The following FOXF2 variants were observed in gnomAD, a reference collection of about 807,000 sequenced individuals.
FOXF2 encodes the protein forkhead box protein F2.
FOXF2 carries 15 observed loss-of-function variants against 29.1 expected under a neutral mutation model. That is an observed-to-expected ratio of 0.52 (90% CI 0.35 to 0.79). The LOEUF (loss-of-function observed/expected upper bound fraction) is 0.79. Ranked by LOEUF, FOXF2 falls within the 30% of genes least tolerant of loss-of-function variation. FOXF2 has a pLI of 0.01. For synonymous variants in FOXF2, 337 were observed against 316.5 expected, an observed-to-expected ratio of 1.06 and a Z score of -0.69; for missense variants, 675 against 667.1, an observed-to-expected ratio of 1.01 and a Z score of -0.13.
intron 1 of FOXF2, among the ~76,000 whole-genome samples, chr6:1,392,715 A>G (rs998748361): frequency 2.0e-5 from 3 of 152,210 alleles, no homozygotes; most frequent in African/African-American, 7.2e-5. Flanking sequence ...CACTGGGCGC[A>G]GGCACAAGCT....
chr6:1,394,672 G>T (rs765169146), intron 1 of FOXF2, 24 bp from the exon 2 acceptor site: 3 of 1,601,260 alleles, frequency 1.9e-6, no homozygotes, highest in Non-Finnish European at 2.6e-6. Flanking sequence ...TTCTGAAGAG[G>T]TTTTTTTTTC....
At chr6:1,394,393 A>G (rs947836840) in intron 1 of FOXF2, among the ~76,000 whole-genome samples, 1 of 152,142 alleles carries the variant, frequency 6.6e-6, no homozygotes, top group Non-Finnish European at 1.5e-5. Flanking sequence ...TCTGAGATTA[A>G]AGTGCACGCC....
chr6:1,390,411 A>T lies in FOXF2; in HGVS notation c.464A>T (p.Asn155Ile), dbSNP rs775754407. Residue 155 changes from asparagine (N) to isoleucine (I), a missense_variant, in exon 1 of 2, where the codon AAC (asparagine) becomes ATC (isoleucine). Asn to Ile is a moderately radical substitution (Grantham distance 149). Around this residue, in one of 3 missense-constraint regions of FOXF2, gnomAD observed 451 missense variants for 437.2 expected, o/e 1.03. Transcript: ENST00000645481. The surrounding 1 kb of genome is among the most constrained non-coding windows in gnomAD (Gnocchi z 8.5). ...KNSVRHNLSL[N>I]ECFIKLPKGL... ...TCGGTGCGCCACAATCTCTCGCTCA[A>T]CGAGTGCTTCATCAAGCTGCCTAAG... 2 of 1,611,826 alleles carry T rather than the reference A, an allele frequency of 1.2e-6. No homozygotes were observed.
In FOXF2 at chr6:1,390,956, G is replaced by A; in HGVS notation, c.1009G>A (p.Ala337Thr). 1 of 1,591,336 alleles carries A rather than the reference G, an allele frequency of 6.3e-7. No individual in the cohort carries two copies. The highest frequency in any genetic ancestry group is 8.5e-7 in the Non-Finnish European group (1 of 1,176,192). ...IECHSPYTSP[A>T]AHWSSPGASP... ...ATGCCACTCGCCCTACACGAGCCCT[G>A]CGGCGCACTGGAGCTCGCCTGGCGC... The change falls in exon 1 of 2, where the codon GCG becomes ACG. Residue 337 changes from alanine to threonine, a missense_variant. This residue lies in a region of FOXF2 where 451 missense variants were observed against 437.2 expected (regional missense o/e 1.03). Coordinates refer to ENST00000645481, the MANE Select transcript of FOXF2 (RefSeq NM_001452.2). This position sits in a 1 kb window ranked among gnomAD's most constrained non-coding sequence, Gnocchi z 8.5.
intron 1 of FOXF2, among the ~76,000 whole-genome samples, chr6:1,391,524 G>A (rs1015935211): frequency 7.2e-5 from 11 of 151,756 alleles, no homozygotes; most frequent in African/African-American, 9.7e-5. Context: ...TTTTCCTTGC[G>A]TTCATTTTGC....
Position 1,390,482 on chromosome 6 carries a change from G to A in FOXF2, c.535G>A (p.Ala179Thr). ...GKGHYWTIDP[A>T]SEFMFEEGSF... ...GGGCCACTACTGGACCATCGACCCG[G>A]CCAGCGAGTTCATGTTCGAGGAGGG... is the stretch of plus-strand genomic sequence containing the variant. Residue 179 changes from alanine to threonine, a missense_variant, in exon 1 of 2, where the codon GCC (alanine) becomes ACC (threonine). Physicochemically the swap from Ala to Thr is moderately conservative, Grantham distance 58 (BLOSUM62 0). Transcript: ENST00000645481. The surrounding 1 kb of genome is among the most constrained non-coding windows in gnomAD (Gnocchi z 8.5). 5 of 1,611,946 alleles carry A rather than the reference G, an allele frequency of 3.1e-6. No individual in the cohort carries two copies. The South Asian group carries it at 3.3e-5, about 11-fold the overall frequency.
At position 1,389,976 on chromosome 6, in the gene FOXF2, C is replaced by T. The variant is rs1758738860; in HGVS notation, c.29C>T (p.Ala10Val). 5.0e-6 allele frequency: 5 copies of T among 1,008,898 alleles called. No individual in the cohort carries two copies. The highest frequency in any genetic ancestry group is 4.2e-5 in the South Asian group (1 of 23,998). The allele number at this position is 1,008,898 out of a possible 1,614,324, so 62.5% of individuals were successfully genotyped here. A position where few individuals can be genotyped will look rare whatever the true frequency, so the allele number is the denominator to read the frequency against. Residue 10 changes from alanine (A) to valine (V), a missense_variant, in exon 1 of 2, where the codon GCC becomes GTC. This residue lies in a region of FOXF2 where 220 missense variants were observed against 205.5 expected (regional missense o/e 1.07). Transcript: ENST00000645481. MTTEGGPPP[A>V]PLRRACSPVP... ...ACCACCGAGGGCGGGCCGCCGCCGG[C>T]CCCGCTCCGCCGCGCGTGCAGCCCG...
chr6:1,393,254 G>A (rs915073965), intron 1 of FOXF2, among the ~76,000 whole-genome samples: 3 of 152,054 alleles, frequency 2.0e-5, no homozygotes, highest in African/African-American at 4.8e-5. Flanking sequence ...TGCCGGCGCA[G>A]GGGCTGCCCT....
chr6:1,391,817 T>C (rs3799321), intron 1 of FOXF2, among the ~76,000 whole-genome samples: 2,481 of 151,408 alleles, frequency 0.016, 61 homozygotes, highest in African/African-American at 0.047. Flanking sequence ...AGGACTCCCC[T>C]GAGAAATGCG....
Position 1,390,942 on chromosome 6 carries a change from C to T in FOXF2, c.995C>T (p.Pro332Leu), listed in dbSNP as rs752146693. The T allele has an allele frequency of 1.3e-6, 2 of 1,586,608 alleles. No individual in the cohort carries two copies. The highest frequency in any genetic ancestry group is 3.4e-5 in the Admixed American group (2 of 58,660). ...GCGAGCGCCATCGAATGCCACTCGC[C>T]CTACACGAGCCCTGCGGCGCACTGG... is the stretch of plus-strand genomic sequence containing the variant. ...AMASAIECHS[P>L]YTSPAAHWSS... Residue 332 changes from proline to leucine, a missense_variant, in exon 1 of 2, where the codon CCC becomes CTC. Physicochemically the swap from Pro to Leu is moderately conservative, Grantham distance 98 (BLOSUM62 -3). Transcript: ENST00000645481. The surrounding 1 kb of genome is among the most constrained non-coding windows in gnomAD (Gnocchi z 8.5).
In FOXF2 at chr6:1,389,864, G is replaced by A. The variant is rs1758734641; in HGVS notation, c.-84G>A. 5.6e-6 allele frequency: 2 copies of A among 358,208 alleles called. No individual in the cohort carries two copies. Among genetic ancestry groups the A allele is most frequent in the Non-Finnish European group, 7.7e-6 (2 of 258,884 alleles). 22.2% of individuals were successfully genotyped at this position (358,208 alleles called of 1,614,324 possible). On this transcript the variant is annotated 5_prime_UTR_variant, in exon 1 of 2. Transcript: ENST00000645481. Reference sequence around the variant, plus strand: ...GGGCGGCGGGCTAGGGCGCTCGCAGGGCTTCTGGGCCGACCCCGCTCCGGC... The same window carrying A: ...GGGCGGCGGGCTAGGGCGCTCGCAGAGCTTCTGGGCCGACCCCGCTCCGGC...
At chr6:1,392,175 C>A (rs139991059) in intron 1 of FOXF2, among the ~76,000 whole-genome samples, 121 of 152,150 alleles carry the variant, frequency 8.0e-4, no homozygotes, top group African/African-American at 2.9e-3. Flanking sequence ...CGGGAGCACC[C>A]GGGGAGAAGG....
rs927643069 is a variant in FOXF2, at chr6:1,389,999, C to T, written c.52C>T (p.Pro18Ser). The change falls in exon 1 of 2, where the codon CCG becomes TCG. Residue 18 changes from proline (P) to serine (S), a missense_variant. This residue lies in a region of FOXF2 where 220 missense variants were observed against 205.5 expected (regional missense o/e 1.07). Transcript: ENST00000645481. ...PPAPLRRACS[P>S]VPGALQAALM... ...GGCCCCGCTCCGCCGCGCGTGCAGC[C>T]CGGTCCCCGGCGCGCTCCAGGCCGC... The T allele has an allele frequency of 1.5e-5, 16 of 1,082,686 alleles. No individual in the cohort carries two copies. In the African/African-American group the frequency reaches 2.8e-4, roughly 19 times the overall value. The allele number at this position is 1,082,686 out of a possible 1,614,324, so 67.1% of individuals were successfully genotyped here.
chr6:1,393,307 C>T (rs1454551916), intron 1 of FOXF2, among the ~76,000 whole-genome samples: 1 of 152,004 alleles, frequency 6.6e-6, no homozygotes, highest in African/African-American at 2.4e-5. Context: ...GGAAGGAGCT[C>T]GGGCTTCTGT....
At position 1,390,342 on chromosome 6, in the gene FOXF2, C is replaced by G. The variant is rs757938718; in HGVS notation, c.395C>G (p.Ala132Gly). 1.2e-6 allele frequency: 2 copies of G among 1,613,122 alleles called. No individual in the cohort carries two copies. Among genetic ancestry groups the G allele is most frequent in the African/African-American group, 2.7e-5 (2 of 74,930 alleles). The change falls in exon 1 of 2, where the codon GCG becomes GGG. Residue 132 changes from alanine to glycine, a missense_variant. Transcript: ENST00000645481. This position sits in a 1 kb window ranked among gnomAD's most constrained non-coding sequence, Gnocchi z 8.5. ...TLSEIYQFLQ[A>G]RFPFFRGAYQ... ...AGCGAGATCTACCAGTTCCTGCAGG[C>G]GCGCTTCCCCTTCTTCCGCGGCGCC...
chr6:1,393,294 T>C (rs1758832125), intron 1 of FOXF2, among the ~76,000 whole-genome samples: 2 of 151,822 alleles, frequency 1.3e-5, no homozygotes, highest in African/African-American at 2.4e-5. Flanking sequence ...TGCGAGCACT[T>C]CAGGAAGGAG....
chr6:1,391,857 G>C (rs115935996), intron 1 of FOXF2, among the ~76,000 whole-genome samples: 2 of 152,310 alleles, frequency 1.3e-5, no homozygotes, highest in East Asian at 3.9e-4. Flanking sequence ...TTGTAGTGTG[G>C]CTGGTTTACA....
rs767494112 is a variant in FOXF2 at position 1,390,172 on chromosome 6, C to G, written c.225C>G (p.Ser75Arg). The stretch of plus-strand genomic sequence containing the variant: ...GCGCCCCCTCGGCTGCCTGCAAGAG[C>G]GCGGGCGGCGGCGGCGCGGGCGCCG... Reference protein sequence around the residue: ...SASAPSAACKSAGGGGAGAGS... With the variant: ...SASAPSAACKRAGGGGAGAGS... The change falls in exon 1 of 2, where the codon AGC becomes AGG. Residue 75 changes from serine (S) to arginine (R), a missense_variant. Ser to Arg is a moderately radical substitution (Grantham distance 110, BLOSUM62 -1). Transcript: ENST00000645481. This position sits in a 1 kb window ranked among gnomAD's most constrained non-coding sequence, Gnocchi z 8.5. 9.6e-6 allele frequency: 14 copies of G among 1,459,498 alleles called. No individual in the cohort carries two copies. Among genetic ancestry groups the G allele is most frequent in the African/African-American group, 1.5e-5 (1 of 67,196 alleles). The allele number at this position is 1,459,498 out of a possible 1,614,324, so 90.4% of individuals were successfully genotyped here.
At position 1,390,478 on chromosome 6, in the gene FOXF2, C is replaced by G; in HGVS notation, c.531C>G (p.Asp177Glu). 1.9e-6 allele frequency: 3 copies of G among 1,612,072 alleles called. No homozygotes were observed. Among genetic ancestry groups the G allele is most frequent in the Non-Finnish European group, 2.5e-6 (3 of 1,179,904 alleles). The part of the protein sequence containing the change: ...RPGKGHYWTI[D>E]PASEFMFEEG... ...GCAAGGGCCACTACTGGACCATCGA[C>G]CCGGCCAGCGAGTTCATGTTCGAGG... The change falls in exon 1 of 2, where the codon GAC (aspartate) becomes GAG (glutamate). Residue 177 changes from aspartate to glutamate, a missense_variant. Physicochemically the swap from Asp to Glu is conservative, Grantham distance 45. Around this residue, in one of 3 missense-constraint regions of FOXF2, gnomAD observed 451 missense variants for 437.2 expected, o/e 1.03. Transcript: ENST00000645481. This position sits in a 1 kb window ranked among gnomAD's most constrained non-coding sequence, Gnocchi z 8.5.
Sources: gnomAD v4.1 joint callset for allele counts (sites outside exome capture counted in the v4.1 genomes callset) on GRCh38, gnomAD v4.1.1 for gene constraint, gnomAD v4.1.1 regional missense constraint, Gnocchi (gnomAD v3.1) non-coding constraint, MANE v1.5 for transcripts, NCBI Gene and HGNC (gene_info 2026-07-23, HGNC 2026-07-21) for gene names.